GALNT10: variants seen among roughly 807,000 people sequenced by gnomAD.
The protein encoded by GALNT10 is polypeptide N-acetylgalactosaminyltransferase 10, also known as GalNAc transferase 10.
In GALNT10, 41 loss-of-function variants were observed where a neutral mutation model predicts 75.0. That is an observed-to-expected ratio of 0.55 (90% CI 0.43 to 0.71). The LOEUF (loss-of-function observed/expected upper bound fraction) is 0.71, where lower values mean the gene tolerates loss of function less well. Ranked by LOEUF, GALNT10 falls within the 30% of genes least tolerant of loss-of-function variation. The pLI is 0.00. For missense variants in GALNT10, 727 were observed against 818.5 expected, an observed-to-expected ratio of 0.89 and a Z score of 1.36; for synonymous variants, 302 against 313.0, an observed-to-expected ratio of 0.96 and a Z score of 0.37.
rs1311431134 is a variant in GALNT10, at chr5:154,419,539, C to T, written c.*2567C>T. 6.6e-6 allele frequency: 1 copy of T among 152,280 alleles called. No individual in the cohort carries two copies. The highest frequency in any genetic ancestry group is 2.4e-5 in the African/African-American group (1 of 41,450). 9.4% of individuals were successfully genotyped at this position (152,280 alleles called of 1,614,324 possible). Reference sequence around the variant, plus strand: ...CCGTCCCGGGCCTGCCTTTCCCATCCTTTGGTTCTCCTTTCCAGTCTGGGT... The same window carrying T: ...CCGTCCCGGGCCTGCCTTTCCCATCTTTTGGTTCTCCTTTCCAGTCTGGGT... On this transcript the variant is annotated 3_prime_UTR_variant, in exon 12 of 12. Transcript: ENST00000297107.
chr5:154,342,023 G>C (rs1236989359), intron 4 of GALNT10, among the ~76,000 whole-genome samples: 1 of 152,104 alleles, frequency 6.6e-6, no homozygotes, highest in Admixed American at 6.5e-5. Flanking sequence ...TTGCGGGTTG[G>C]GTGAGGACTG....
At chr5:154,234,749 G>T (rs560503406) in intron 1 of GALNT10, among the ~76,000 whole-genome samples, 1 of 152,210 alleles carries the variant, frequency 6.6e-6, no homozygotes, top group Admixed American at 6.5e-5. Context: ...CCTGATCAGG[G>T]CCTGTGCTTC....
At chr5:154,217,353 C>T (rs1340798362) in intron 1 of GALNT10, among the ~76,000 whole-genome samples, 1 of 152,180 alleles carries the variant, frequency 6.6e-6, no homozygotes, top group Non-Finnish European at 1.5e-5. Flanking sequence ...TCACGCTCCT[C>T]TTGTGGAAAA....
chr5:154,331,914 C>A (rs918006094), intron 4 of GALNT10, among the ~76,000 whole-genome samples: 1 of 152,188 alleles, frequency 6.6e-6, no homozygotes, highest in African/African-American at 2.4e-5. Context: ...TTCTTGACAG[C>A]AGCCTCTGAG....
intron 1 of GALNT10, among the ~76,000 whole-genome samples, chr5:154,196,166 G>A (rs1294386349): frequency 1.3e-5 from 2 of 152,080 alleles, no homozygotes; most frequent in African/African-American, 4.8e-5. Flanking sequence ...CAGGTGATCT[G>A]CCCACCTCAG....
intron 1 of GALNT10, among the ~76,000 whole-genome samples, chr5:154,216,547 A>C (rs1301679928): frequency 2.0e-5 from 3 of 152,250 alleles, no homozygotes; most frequent in Non-Finnish European, 4.4e-5. Context: ...TGTGTTCATC[A>C]GAACAACCTC....
chr5:154,320,540 C>A (rs1306724756), intron 3 of GALNT10, among the ~76,000 whole-genome samples: 3 of 152,124 alleles, frequency 2.0e-5, no homozygotes, highest in Non-Finnish European at 4.4e-5. Context: ...AAGGCAGGAA[C>A]TTTTGTAGAA....
At chr5:154,248,472 A>G (rs1753466167) in intron 1 of GALNT10, among the ~76,000 whole-genome samples, 1 of 152,204 alleles carries the variant, frequency 6.6e-6, no homozygotes, top group Non-Finnish European at 1.5e-5. Context: ...GCTATTAATT[A>G]TTGCCTCAAT....
At chr5:154,278,894 TTAA>T (rs1218883719) in intron 1 of GALNT10, among the ~76,000 whole-genome samples, 2 of 152,222 alleles carry the variant, frequency 1.3e-5, no homozygotes, top group Non-Finnish European at 2.9e-5. Flanking sequence ...TCTTTATGAC[TTAA>T]TAATATTCCA....
intron 1 of GALNT10, among the ~76,000 whole-genome samples, chr5:154,199,609 C>T (rs1228812385): frequency 6.6e-6 from 1 of 152,132 alleles, no homozygotes; most frequent in Non-Finnish European, 1.5e-5. Flanking sequence ...CCTTTGATGC[C>T]CACAGTCTGC....
At chr5:154,388,822 G>A (rs190730435) in intron 7 of GALNT10, 97 of 149,042 alleles carry the variant, frequency 6.5e-4, no homozygotes, top group African/African-American at 2.3e-3. Context: ...GCCGAGATGG[G>A]AGGATCTCTT....
chr5:154,364,097 G>A (rs1755438140), intron 4 of GALNT10, among the ~76,000 whole-genome samples: 1 of 152,152 alleles, frequency 6.6e-6, no homozygotes, highest in African/African-American at 2.4e-5. Flanking sequence ...CGCTGAGCCT[G>A]GGGAGAAGAA....
chr5:154,412,197 CTG>C lies in GALNT10; in HGVS notation c.1387-690_1387-689del, dbSNP rs1756411510. On this transcript the variant is annotated intron_variant, in intron 9 of 11. Transcript: ENST00000297107. The surrounding 1 kb of genome is among the most constrained non-coding windows in gnomAD (Gnocchi z 4.2). ...CCCTCAGATAAAGTAGGATTGATAT[CTG>C]TAAGGTTGGAACTACATGATGTGAC... 6.6e-6 allele frequency among the ~76,000 whole-genome samples: 1 copy of C among 152,216 alleles called. No individual in the cohort carries two copies. Among genetic ancestry groups the C allele is most frequent in the Admixed American group, 6.5e-5 (1 of 15,290 alleles).
chr5:154,413,038 G>A (rs749081098), intron 10 of GALNT10, 33 bp downstream of exon 10: 1 of 1,386,096 alleles, frequency 7.2e-7, no homozygotes, highest in Admixed American at 1.7e-5. Context: ...TGGCAGCCAG[G>A]TTCTCTGAAA....
Position 154,380,479 on chromosome 5 carries a change from G to T in GALNT10, c.786G>T (p.Val262=). The T allele has an allele frequency of 6.2e-7, 1 of 1,614,098 alleles. No individual in the cohort carries two copies. Among genetic ancestry groups the T allele is most frequent in the South Asian group, 1.1e-5 (1 of 91,084 alleles). The change falls in exon 6 of 12, where the codon GTG becomes GTT. Residue 262 remains valine, a synonymous_variant. Coordinates refer to ENST00000297107, the MANE Select transcript of GALNT10 (RefSeq NM_198321.4). ...TTGCTCGGAACCGCAAGACCATTGT[G>T]TGCCCGATGATTGATGTAATTGACC... ...DRIARNRKTI[V]CPMIDVIDHD... is the part of the protein sequence containing the mutation.
intron 1 of GALNT10, among the ~76,000 whole-genome samples, chr5:154,247,888 G>C (rs371659524): frequency 1.1e-4 from 17 of 150,600 alleles, no homozygotes; most frequent in Admixed American, 2.7e-4. Flanking sequence ...CTGTCTTGTG[G>C]CAGTTTTCAA....
intron 9 of GALNT10, among the ~76,000 whole-genome samples, chr5:154,411,930 A>T (rs1756405299): frequency 6.6e-6 from 1 of 152,156 alleles, no homozygotes; most frequent in African/African-American, 2.4e-5. Flanking sequence ...CCGGGATAGG[A>T]AGAGTCCAGA....
At chr5:154,282,957 A>G (rs1754059309) in intron 1 of GALNT10, among the ~76,000 whole-genome samples, 1 of 152,180 alleles carries the variant, frequency 6.6e-6, no homozygotes, top group African/African-American at 2.4e-5. Flanking sequence ...GGATGCTGTA[A>G]GGTCCCATAT....
chr5:154,265,529 A>G (rs1753763995), intron 1 of GALNT10, among the ~76,000 whole-genome samples: 1 of 152,166 alleles, frequency 6.6e-6, no homozygotes, highest in Non-Finnish European at 1.5e-5. Flanking sequence ...GAGTGTTTTG[A>G]TTCTAAATTC....
Sources: allele counts gnomAD v4.1 joint callset (sites outside exome capture counted in the v4.1 genomes callset), GRCh38; gene constraint gnomAD v4.1.1; non-coding constraint Gnocchi (gnomAD v3.1); transcripts MANE v1.5; gene names NCBI Gene and HGNC (gene_info 2026-07-23, HGNC 2026-07-21).